Variants in SNAP91 observed in about 807,000 individuals in gnomAD.
SNAP91 encodes the protein synaptosome associated protein 91, also known as clathrin coat assembly protein AP180.
Under a neutral mutation model 100.3 loss-of-function variants are expected in SNAP91, and 27 were observed. That is an observed-to-expected ratio of 0.27 (90% confidence interval 0.20 to 0.37). The LOEUF (loss-of-function observed/expected upper bound fraction) is 0.37, where lower values mean the gene tolerates loss of function less well. Ranked by LOEUF, SNAP91 falls within the 10% of genes least tolerant of loss-of-function variation. The probability of loss-of-function intolerance (pLI) is 1.00; values close to 1 mark genes in which losing one functional copy is unlikely to be tolerated. For missense variants in SNAP91, 986 were observed against 1,123.7 expected (o/e 0.88, Z 1.75); for synonymous variants, 404 against 398.6 (o/e 1.01, Z -0.16).
At chr6:83,679,547 T>C (rs767974263) in intron 2 of SNAP91, among the ~76,000 whole-genome samples, 25 of 152,020 alleles carry the variant, frequency 1.6e-4, no homozygotes, top group Non-Finnish European at 3.1e-4. Context: ...CCCATCCCTA[T>C]CTCTTCTTTT....
At chr6:83,572,420 C>A (rs1213353246) in intron 26 of SNAP91, among the ~76,000 whole-genome samples, 1 of 149,068 alleles carries the variant, frequency 6.7e-6, no homozygotes, top group Non-Finnish European at 1.5e-5. Context: ...CAAAGTTTTG[C>A]ATTTTTTTTT....
intron 7 of SNAP91, among the ~76,000 whole-genome samples, chr6:83,655,527 T>G (rs2098379853): frequency 6.6e-6 from 1 of 152,188 alleles, no homozygotes; most frequent in African/African-American, 2.4e-5. Context: ...TCTTCACACA[T>G]TAGCTAATCT....
At chr6:83,615,203 T>C (rs767975857) in intron 10 of SNAP91, among the ~76,000 whole-genome samples, 6 of 152,068 alleles carry the variant, frequency 3.9e-5, no homozygotes, top group Non-Finnish European at 8.8e-5. Flanking sequence ...CCATTCTAGC[T>C]ACCCAAGGAG....
intron 4 of SNAP91, 70 bp from the exon 5 acceptor site, chr6:83,661,674 T>C: frequency 1.5e-6 from 1 of 680,738 alleles, no homozygotes; most frequent in South Asian, 2.6e-5. Flanking sequence ...CATAGTACTA[T>C]TTTTTTTTAA....
intron 22 of SNAP91, among the ~76,000 whole-genome samples, chr6:83,585,908 T>C (rs1327119345): frequency 1.3e-5 from 2 of 150,898 alleles, no homozygotes; most frequent in African/African-American, 4.9e-5. Flanking sequence ...TGGAGTGCAA[T>C]GGCGCCATCT....
chr6:83,626,398 G>C (rs1413725882), intron 8 of SNAP91, among the ~76,000 whole-genome samples: 2 of 152,054 alleles, frequency 1.3e-5, no homozygotes, highest in Admixed American at 1.3e-4. Flanking sequence ...TGTGGAAAAT[G>C]ATGTTGATAA....
At chr6:83,616,677 G>GT (rs1584020763) in intron 10 of SNAP91, among the ~76,000 whole-genome samples, 1 of 152,188 alleles carries the variant, frequency 6.6e-6, no homozygotes, top group East Asian at 1.9e-4. Context: ...TTAAACAGGA[G>GT]TAACTATTTT....
intron 22 of SNAP91, among the ~76,000 whole-genome samples, chr6:83,585,541 A>AAAAAAAAAAAAAAAAC (rs1554217441): frequency 6.8e-5 from 10 of 147,876 alleles, no homozygotes; most frequent in African/African-American, 2.5e-4. Context: ...AAAAAAAAAA[A>AAAAAAAAAAAAAAAAC]AAAAAGAAAG....
intron 28 of SNAP91, among the ~76,000 whole-genome samples, chr6:83,558,389 C>T (rs1265278167): frequency 4.6e-5 from 7 of 152,190 alleles, no homozygotes; most frequent in Admixed American, 4.6e-4. Context: ...TGACTGTCCC[C>T]AAAAACAACA....
At chr6:83,675,632 T>A (rs904409497) in intron 2 of SNAP91, among the ~76,000 whole-genome samples, 1 of 152,244 alleles carries the variant, frequency 6.6e-6, no homozygotes, top group East Asian at 1.9e-4. Context: ...GAGTTAAGAT[T>A]TTGGAGCCAG....
chr6:83,590,605 A>T (rs1160291986), intron 22 of SNAP91, among the ~76,000 whole-genome samples: 1 of 152,098 alleles, frequency 6.6e-6, no homozygotes, highest in Non-Finnish European at 1.5e-5. Context: ...GTTTTGACCC[A>T]ATGGTAGGAG....
At chr6:83,679,278 G>T (rs555476210) in intron 2 of SNAP91, among the ~76,000 whole-genome samples, 9 of 152,176 alleles carry the variant, frequency 5.9e-5, no homozygotes, top group African/African-American at 2.2e-4. Flanking sequence ...ATCCACCATA[G>T]ATACTCAGGG....
rs945355249 is a variant in SNAP91, at chr6:83,709,046, G to C, written c.-232C>G. 16 of 153,462 alleles carry C rather than the reference G, an allele frequency of 1.0e-4. No homozygotes were observed. The highest frequency in any genetic ancestry group is 2.2e-4 in the Non-Finnish European group (15 of 69,250). 9.5% of individuals were successfully genotyped at this position (153,462 alleles called of 1,614,324 possible). A position where few individuals can be genotyped will look rare whatever the true frequency, so the allele number is the denominator to read the frequency against. On this transcript the variant is annotated 5_prime_UTR_variant, in exon 1 of 30. Transcript: ENST00000369694. ...CCCCTGGCCCCAGAAGCCAGTACCCGCCCGCCGCCGCCTCTTCTGCCAGCG... is the reference window on the plus strand; with the variant it reads ...CCCCTGGCCCCAGAAGCCAGTACCCCCCCGCCGCCGCCTCTTCTGCCAGCG...
chr6:83,587,505 T>C (rs184806748), intron 22 of SNAP91, among the ~76,000 whole-genome samples: 1 of 152,082 alleles, frequency 6.6e-6, no homozygotes, highest in Non-Finnish European at 1.5e-5. Context: ...TATTTTTTTT[T>C]AAAAATCTTC....
At chr6:83,666,914 A>G (rs147068641) in intron 2 of SNAP91, among the ~76,000 whole-genome samples, 21 of 152,182 alleles carry the variant, frequency 1.4e-4, no homozygotes, top group Admixed American at 1.0e-3. Context: ...TGTTCAGAAT[A>G]GATGTATATT....
intron 24 of SNAP91, among the ~76,000 whole-genome samples, chr6:83,577,239 T>C (rs1820377232): frequency 6.6e-6 from 1 of 152,130 alleles, no homozygotes; most frequent in African/African-American, 2.4e-5. Context: ...ATAATCAATG[T>C]ATTAGAGGAT....
At chr6:83,683,111 T>C (rs942554715) in intron 2 of SNAP91, among the ~76,000 whole-genome samples, 2 of 152,102 alleles carry the variant, frequency 1.3e-5, no homozygotes, top group Non-Finnish European at 1.5e-5. Context: ...AAAAGTCATA[T>C]TTCCTGGGAT....
chr6:83,648,554 C>T (rs2098060719), intron 7 of SNAP91, among the ~76,000 whole-genome samples: 1 of 151,908 alleles, frequency 6.6e-6, no homozygotes, highest in Admixed American at 6.6e-5. Context: ...AATCATTTGA[C>T]GTTTTACCAT....
Position 83,556,234 on chromosome 6 carries a change from G to A in SNAP91, c.2643C>T (p.Ser881=), listed in dbSNP as rs1353144709. ...TGGGACTCTGACTGGCAGGTGTAGG[G>A]CTTGGAGAAAGCTAATGGGAAAAAG... The part of the protein sequence containing the change: ...AAVPGTQLSP[S]PTPASQSPKK... The change falls in exon 29 of 30, where the codon AGC becomes AGT. Residue 881 remains serine (S), a synonymous_variant. Coordinates refer to ENST00000369694, the MANE Select transcript of SNAP91 (RefSeq NM_001242792.2). 6.5e-7 allele frequency: 1 copy of A among 1,528,792 alleles called. No homozygotes were observed. Among genetic ancestry groups the A allele is most frequent in the Non-Finnish European group, 8.8e-7 (1 of 1,132,848 alleles). 94.7% of individuals were successfully genotyped at this position (1,528,792 alleles called of 1,614,324 possible).
Sources: gnomAD v4.1 joint callset for allele counts (sites outside exome capture counted in the v4.1 genomes callset) on GRCh38, gnomAD v4.1.1 for gene constraint, MANE v1.5 for transcripts, NCBI Gene and HGNC (gene_info 2026-07-23, HGNC 2026-07-21) for gene names.